RABL6: variants seen among roughly 807,000 people sequenced by gnomAD.
RABL6 encodes rab-like protein 6.
RABL6 carries 28 observed loss-of-function variants against 72.9 expected under a neutral mutation model. That is an observed-to-expected ratio of 0.38 (90% confidence interval 0.28 to 0.53). The LOEUF is 0.53. Among genes scored for constraint, RABL6 ranks in the 20% least tolerant of loss-of-function variants. The probability of loss-of-function intolerance (pLI) is 0.80; values close to 1 mark genes in which losing one functional copy is unlikely to be tolerated. For synonymous variants in RABL6, 477 were observed against 421.2 expected, an observed-to-expected ratio of 1.13 and a Z score of -1.62; for missense variants, 1,029 against 1,008.4, an observed-to-expected ratio of 1.02 and a Z score of -0.28.
At chr9:136,825,080 G>A (rs1848323941) in intron 2 of RABL6, among the ~76,000 whole-genome samples, 1 of 152,226 alleles carries the variant, frequency 6.6e-6, no homozygotes, top group Non-Finnish European at 1.5e-5. Context: ...CCCCACAACA[G>A]AGCACAGTCA....
chr9:136,835,191 A>T (rs1474063561), intron 7 of RABL6: 1 of 152,092 alleles, frequency 6.6e-6, no homozygotes, highest in Admixed American at 6.6e-5. Context: ...TGAGGTCAGG[A>T]GTTCGTGAGG....
At chr9:136,828,450 G>A in intron 3 of RABL6, 44 bp from the exon 4 acceptor site, 4 of 1,605,954 alleles carry the variant, frequency 2.5e-6, no homozygotes, top group Non-Finnish European at 3.4e-6. Context: ...ATGGCCCAAG[G>A]CCCAGGGGTT....
intron 1 of RABL6, chr9:136,822,167 A>G: frequency 8.9e-7 from 1 of 1,123,824 alleles, no homozygotes; most frequent in Admixed American, 3.2e-5. Context: ...CTGCGTTGGG[A>G]GCTTGGGGTC....
At chr9:136,834,210 T>TA (rs1236849327) in intron 7 of RABL6, 5 of 1,219,014 alleles carry the variant, frequency 4.1e-6, no homozygotes, top group East Asian at 3.3e-5. Flanking sequence ...AACACATCTC[T>TA]AAAAAAATCA....
chr9:136,821,923 C>T, intron 1 of RABL6: 3 of 1,287,810 alleles, frequency 2.3e-6, no homozygotes, highest in South Asian at 1.2e-5. Flanking sequence ...CCTGGGTCCC[C>T]TCTGGAGGTT....
chr9:136,822,101 C>T (rs1302599911), intron 1 of RABL6: 5 of 1,286,280 alleles, frequency 3.9e-6, no homozygotes, highest in East Asian at 5.6e-5. Context: ...AGAGAGGAGC[C>T]GGGTGGGGCA....
chr9:136,817,897 A>C (rs546552333), intron 1 of RABL6, among the ~76,000 whole-genome samples: 11 of 151,934 alleles, frequency 7.2e-5, no homozygotes, highest in African/African-American at 2.2e-4. Context: ...CGCTGTCTCT[A>C]CTGAAAACAC....
intron 5 of RABL6, among the ~76,000 whole-genome samples, chr9:136,830,516 C>A (rs1349981442): frequency 2.0e-5 from 3 of 152,274 alleles, no homozygotes; most frequent in Non-Finnish European, 4.4e-5. Context: ...GGCACGAGTT[C>A]AGCTCGGGCG....
chr9:136,836,811 A>G (rs1848591744), intron 8 of RABL6: 2 of 251,808 alleles, frequency 7.9e-6, no homozygotes, highest in Non-Finnish European at 1.6e-5. Context: ...ACAGATCCGA[A>G]GTGACTTTCA....
At chr9:136,818,554 C>A (rs1848174322) in intron 1 of RABL6, among the ~76,000 whole-genome samples, 2 of 151,104 alleles carry the variant, frequency 1.3e-5, no homozygotes, top group East Asian at 3.9e-4. Context: ...CCAGCCTGGC[C>A]AACATAGTGA....
chr9:136,829,581 C>A, intron 5 of RABL6, 97 bp downstream of exon 5: 1 of 1,116,628 alleles, frequency 9.0e-7, no homozygotes, highest in Non-Finnish European at 1.3e-6. Flanking sequence ...AGAGCAGCAT[C>A]GTTCTGCAGG....
intron 5 of RABL6, among the ~76,000 whole-genome samples, chr9:136,829,687 G>A (rs1848431261): frequency 6.6e-6 from 1 of 152,250 alleles, no homozygotes; most frequent in South Asian, 2.1e-4. Flanking sequence ...GTGCCTATGG[G>A]GCGGGATGGC....
At chr9:136,835,987 A>C (rs1052446855) in intron 8 of RABL6, 142 bp downstream of exon 8, 2 of 751,894 alleles carry the variant, frequency 2.7e-6, no homozygotes, top group Non-Finnish European at 4.4e-6. Context: ...GCACGGGTGG[A>C]GGAGGACTCA....
chr9:136,813,358 GAA>G, intron 1 of RABL6: 1 of 933,400 alleles, frequency 1.1e-6, no homozygotes, highest in Middle Eastern at 2.3e-4. Context: ...GATTCTTTCT[GAA>G]GAGTTTCTTC....
chr9:136,839,200 G>C, intron 11 of RABL6, 22 bp from the exon 12 acceptor site: 1 of 1,595,340 alleles, frequency 6.3e-7, no homozygotes. Context: ...GACCCTGACT[G>C]ACCCTCTGCT....
In RABL6 at chr9:136,840,880, G is replaced by A. The variant is rs774909283; in HGVS notation, c.*358G>A. ...CTGGGCAGGGGCCGCTTGGCTGTGG[G>A]GTGTGCGCTGCCCCGGCACCTGCTT... On this transcript the variant is annotated 3_prime_UTR_variant, in exon 15 of 15. Coordinates refer to ENST00000311502, the MANE Select transcript of RABL6 (RefSeq NM_024718.5). The A allele has an allele frequency of 6.6e-6, 10 of 1,524,834 alleles. No homozygotes were observed. Among genetic ancestry groups the A allele is most frequent in the South Asian group, 3.6e-5 (3 of 82,240 alleles). The allele number at this position is 1,524,834 out of a possible 1,614,324, so 94.5% of individuals were successfully genotyped here.
rs774578603 is a variant in RABL6, at chr9:136,832,215, C to T, written c.600-50C>T. On this transcript the variant is annotated intron_variant, in intron 6 of 14. Transcript: ENST00000311502. ...CTGTGGGCCCAGGGGTGATCCTTGGCACCAGGGCAAGGGTCTTTCTCTTGC... is the reference window on the plus strand; with the variant it reads ...CTGTGGGCCCAGGGGTGATCCTTGGTACCAGGGCAAGGGTCTTTCTCTTGC... 11 of 1,537,958 alleles carry T rather than the reference C, an allele frequency of 7.2e-6. No homozygotes were observed. The African/African-American group carries it at 1.5e-4, about 21-fold the overall frequency.
Position 136,832,371 on chromosome 9 carries a change from G to T in RABL6, c.705+1G>T, listed in dbSNP as rs1368164143. On this transcript the variant is annotated splice_donor_variant, in intron 7 of 14. Transcript: ENST00000311502. LOFTEE classifies it high-confidence loss of function. Reference sequence around the variant, plus strand: ...CAATATCCCATTTTTGCAGCTTCAGGTAAGCACTCACCACGTGGGGTGGAG... The same window carrying T: ...CAATATCCCATTTTTGCAGCTTCAGTTAAGCACTCACCACGTGGGGTGGAG... The T allele has an allele frequency of 1.2e-6, 2 of 1,607,960 alleles. No individual in the cohort carries two copies. Among genetic ancestry groups the T allele is most frequent in the Non-Finnish European group, 8.5e-7 (1 of 1,174,476 alleles).
rs1198723750 is a variant in RABL6 at position 136,823,539 on chromosome 9, C to T, written c.145C>T (p.Arg49Trp). ...CCCGTCCCCAGTGAAGATAGTGATCCGGGGAGACAGGAACACGGGCAAGAC... is the reference window on the plus strand; with the variant it reads ...CCCGTCCCCAGTGAAGATAGTGATCTGGGGAGACAGGAACACGGGCAAGAC... Reference protein sequence around the residue: ...GVQYNMKIVIRGDRNTGKTAL... With the variant: ...GVQYNMKIVIWGDRNTGKTAL... The change falls in exon 2 of 15, where the codon CGG becomes TGG. Residue 49 changes from arginine (R) to tryptophan (W), a missense_variant. Physicochemically the swap from Arg to Trp is moderately radical, Grantham distance 101. Around this residue, in one of 2 missense-constraint regions of RABL6, gnomAD observed 434 missense variants for 536.1 expected, o/e 0.81. Coordinates refer to ENST00000311502, the MANE Select transcript of RABL6 (RefSeq NM_024718.5). 5 of 1,613,596 alleles carry T rather than the reference C, an allele frequency of 3.1e-6. No homozygotes were observed. Among genetic ancestry groups the T allele is most frequent in the Admixed American group, 1.7e-5 (1 of 59,998 alleles).
Sources: gnomAD v4.1 joint callset for allele counts (sites outside exome capture counted in the v4.1 genomes callset) on GRCh38, gnomAD v4.1.1 for gene constraint, gnomAD v4.1.1 regional missense constraint, MANE v1.5 for transcripts, NCBI Gene and HGNC (gene_info 2026-07-23, HGNC 2026-07-21) for gene names.